ESRRG: variants seen among roughly 807,000 people sequenced by gnomAD.
The protein encoded by ESRRG is estrogen related receptor gamma, also known as estrogen-related receptor gamma.
In ESRRG, 13 loss-of-function variants were observed where a neutral mutation model predicts 44.0. That is an observed-to-expected ratio of 0.30 (90% confidence interval 0.19 to 0.47). ESRRG has a LOEUF of 0.47. ESRRG is among the 20% of genes least tolerant of loss of function. ESRRG has a pLI of 1.00. For missense variants in ESRRG, 395 were observed against 580.6 expected, an observed-to-expected ratio of 0.68 and a Z score of 3.29; for synonymous variants, 215 against 214.6, an observed-to-expected ratio of 1.00 and a Z score of -0.02.
intron 2 of ESRRG, among the ~76,000 whole-genome samples, chr1:216,884,340 C>A (rs910464113): frequency 6.6e-6 from 1 of 152,236 alleles, no homozygotes; most frequent in African/African-American, 2.4e-5. Flanking sequence ...TTGTTACACA[C>A]ACGATTCCAG....
At chr1:217,008,203 G>GT (rs1477668212) in intron 1 of ESRRG, among the ~76,000 whole-genome samples, 1 of 152,146 alleles carries the variant, frequency 6.6e-6, no homozygotes, top group African/African-American at 2.4e-5. Context: ...TATGGGCAAC[G>GT]TAACTATTAT....
chr1:216,519,670 C>T (rs745831036), intron 5 of ESRRG, among the ~76,000 whole-genome samples: 21 of 151,932 alleles, frequency 1.4e-4, no homozygotes, highest in Non-Finnish European at 2.8e-4. Context: ...ATAGAGATGT[C>T]GCTTTCTTTC....
intron 1 of ESRRG, among the ~76,000 whole-genome samples, chr1:216,689,878 T>G (rs2078741903): frequency 6.6e-6 from 1 of 152,152 alleles, no homozygotes; most frequent in Admixed American, 6.5e-5. Context: ...TATTCCATAA[T>G]TTTTAGAGTT....
intron 2 of ESRRG, among the ~76,000 whole-genome samples, chr1:216,870,206 T>C (rs1019329628): frequency 1.3e-5 from 2 of 151,946 alleles, no homozygotes; most frequent in African/African-American, 4.8e-5. Context: ...ATGTTAAAAT[T>C]TGGCAAACAT....
intron 2 of ESRRG, among the ~76,000 whole-genome samples, chr1:216,923,972 T>G (rs2062175429): frequency 6.6e-6 from 1 of 152,218 alleles, no homozygotes; most frequent in African/African-American, 2.4e-5. Flanking sequence ...CAATGATTTA[T>G]GTTTACCTAC....
chr1:216,618,075 T>C (rs1041216089), intron 3 of ESRRG, among the ~76,000 whole-genome samples: 1 of 152,226 alleles, frequency 6.6e-6, no homozygotes, highest in Admixed American at 6.5e-5. Flanking sequence ...TATTAGAGTA[T>C]CAGTAATAAT....
intron 5 of ESRRG, among the ~76,000 whole-genome samples, chr1:216,561,714 T>A (rs11117619): frequency 0.18 from 27,129 of 151,664 alleles, 3,072 homozygotes; most frequent in Middle Eastern, 0.26. Context: ...ATTTTTTTTT[T>A]AAATTTCTGT....
At chr1:216,882,052 TA>T (rs2096456426) in intron 2 of ESRRG, among the ~76,000 whole-genome samples, 1 of 151,908 alleles carries the variant, frequency 6.6e-6, no homozygotes, top group African/African-American at 2.4e-5. Flanking sequence ...TTGATTCACA[TA>T]AGCACTCTCC....
Position 216,564,244 on chromosome 1 carries a change from G to A in ESRRG, c.837C>T (p.Ile279=), listed in dbSNP as rs755377749. The change falls in exon 5 of 7, where the codon ATC becomes ATT. Residue 279 remains isoleucine (I), a synonymous_variant. Coordinates refer to ENST00000408911, the MANE Select transcript of ESRRG (RefSeq NM_001438.4). ...CTGGAATATGCTTCGCCCATCCAAT[G>A]ATAACCACCAACTCTCGGTCGGCCA... ...CDLADRELVV[I]IGWAKHIPGF... is the part of the protein sequence containing the mutation. 3 of 1,553,130 alleles carry A rather than the reference G, an allele frequency of 1.9e-6. No homozygotes were observed. In the East Asian group the frequency reaches 7.2e-5, roughly 37 times the overall value.
upstream of ESRRG, among the ~76,000 whole-genome samples, chr1:216,724,273 T>C (rs540830430): frequency 2.0e-5 from 3 of 152,138 alleles, no homozygotes; most frequent in South Asian, 6.2e-4. Flanking sequence ...AATTGGCTTC[T>C]TCAGTTTTAG....
chr1:217,074,218 T>C (rs2090969995), intron 1 of ESRRG, among the ~76,000 whole-genome samples: 1 of 152,010 alleles, frequency 6.6e-6, no homozygotes, highest in African/African-American at 2.4e-5. Context: ...TGGCTAATTT[T>C]TTGTATTTTT....
chr1:216,907,600 C>T (rs994668788), intron 2 of ESRRG, among the ~76,000 whole-genome samples: 2 of 152,166 alleles, frequency 1.3e-5, no homozygotes, highest in African/African-American at 4.8e-5. Context: ...TTCCCTTGTA[C>T]CCCTGTAACT....
chr1:216,918,563 T>C (rs1365233593), intron 2 of ESRRG, among the ~76,000 whole-genome samples: 2 of 152,180 alleles, frequency 1.3e-5, no homozygotes, highest in Non-Finnish European at 2.9e-5. Flanking sequence ...ATCCTCTTCC[T>C]GTCTCTAGAG....
intron 2 of ESRRG, among the ~76,000 whole-genome samples, chr1:216,734,907 T>C (rs1474184060): frequency 2.2e-5 from 2 of 91,292 alleles, no homozygotes; most frequent in African/African-American, 1.3e-4. Context: ...CCATATTCTT[T>C]TTTTTTTTTT....
chr1:216,999,642 G>C (rs2076778418), intron 1 of ESRRG, among the ~76,000 whole-genome samples: 2 of 152,128 alleles, frequency 1.3e-5, no homozygotes, highest in South Asian at 4.1e-4. Context: ...CCAACACCCT[G>C]GCTGAAAAAT....
At chr1:217,023,170 A>G (rs2080630038) in intron 1 of ESRRG, among the ~76,000 whole-genome samples, 1 of 152,202 alleles carries the variant, frequency 6.6e-6, no homozygotes, top group Non-Finnish European at 1.5e-5. Context: ...TAAACAAAAA[A>G]CAATGTGTCT....
At chr1:216,777,410 AG>A (rs1559594346) in intron 2 of ESRRG, among the ~76,000 whole-genome samples, 1 of 152,122 alleles carries the variant, frequency 6.6e-6, no homozygotes, top group Non-Finnish European at 1.5e-5. Context: ...GAGCTGCCAC[AG>A]ATATTTATGA....
chr1:216,891,995 C>T (rs1056400696), intron 2 of ESRRG, among the ~76,000 whole-genome samples: 3 of 151,776 alleles, frequency 2.0e-5, no homozygotes, highest in African/African-American at 2.4e-5. Context: ...TTAGTAGAGA[C>T]GGAGTTTCAC....
At chr1:216,911,020 T>C (rs1011015948) in intron 2 of ESRRG, among the ~76,000 whole-genome samples, 1 of 152,206 alleles carries the variant, frequency 6.6e-6, no homozygotes, top group Non-Finnish European at 1.5e-5. Flanking sequence ...CAGTGCACTT[T>C]ACACATGTTT....
Sources: gnomAD v4.1 joint callset for allele counts (sites outside exome capture counted in the v4.1 genomes callset) on GRCh38, gnomAD v4.1.1 for gene constraint, MANE v1.5 for transcripts, NCBI Gene and HGNC (gene_info 2026-07-23, HGNC 2026-07-21) for gene names.